Variants in PHF12 observed in about 807,000 individuals in gnomAD.
PHF12 encodes the protein PHD finger protein 12, also known as PHD factor 1.
A neutral mutation model predicts 99.8 loss-of-function variants in PHF12; 6 were observed. The observed-to-expected ratio is 0.06, with a 90% CI of 0.03 to 0.12. The LOEUF (loss-of-function observed/expected upper bound fraction) is 0.12. Ranked by LOEUF, PHF12 falls within the 10% of genes least tolerant of loss-of-function variation. PHF12 has a pLI of 1.00. For missense variants in PHF12, 954 were observed against 1,300.1 expected, an observed-to-expected ratio of 0.73 and a Z score of 4.09; for synonymous variants, 480 against 514.9, an observed-to-expected ratio of 0.93 and a Z score of 0.92.
Position 28,951,178 on chromosome 17 carries a change from C to A in PHF12, c.-218G>T, listed in dbSNP as rs2040805092. The A allele has an allele frequency of 1.4e-6, 2 of 1,416,402 alleles. No homozygotes were observed. The highest frequency in any genetic ancestry group is 3.0e-5 in the South Asian group (2 of 66,270). 87.7% of individuals were successfully genotyped at this position (1,416,402 alleles called of 1,614,324 possible). ...CGCGAGGGGGGAGCGGCCCCTCAGT[C>A]CCGGCCCGGCTGCTGGCTGCACAGT... On this transcript the variant is annotated 5_prime_UTR_variant, in exon 1 of 15. Transcript: ENST00000332830.
At chr17:28,915,052 T>G (rs185654321) in intron 7 of PHF12, among the ~76,000 whole-genome samples, 17 of 152,350 alleles carry the variant, frequency 1.1e-4, no homozygotes, top group African/African-American at 3.1e-4. Flanking sequence ...GAAGCATGTC[T>G]AAGGTGCTAT....
At chr17:28,912,088 A>G (rs2039970817) in intron 9 of PHF12, 1 of 1,022,706 alleles carries the variant, frequency 9.8e-7, no homozygotes, top group Non-Finnish European at 1.2e-6. Flanking sequence ...ATCTGACAAT[A>G]CTGAGGCCAT....
Position 28,949,848 on chromosome 17 carries a change from C to T in PHF12, c.248+217G>A, listed in dbSNP as rs2040778420. 5.4e-6 allele frequency: 3 copies of T among 560,280 alleles called. No individual in the cohort carries two copies. In the East Asian group the frequency reaches 9.3e-5, roughly 17 times the overall value. 34.7% of individuals were successfully genotyped at this position (560,280 alleles called of 1,614,324 possible). On this transcript the variant is annotated intron_variant, in intron 2 of 14. Transcript: ENST00000332830. The surrounding 1 kb of genome is among the most constrained non-coding windows in gnomAD (Gnocchi z 4.6). ...ATGGGGTTCTCTTCACTCGTCCCAA[C>T]CCCCACCTCGGGGTCCGGACCCACC...
At position 28,926,905 on chromosome 17, in the gene PHF12, C is replaced by T. The variant is rs746990617; in HGVS notation, c.321+86G>A. The T allele has an allele frequency of 3.7e-6, 6 of 1,604,528 alleles. No homozygotes were observed. The South Asian group carries it at 4.4e-5, about 12-fold the overall frequency. ...GAGACAAGAAGAAGGGACAAGAATG[C>T]CTTCAGGGCTAGGCCGTCTTAGCTC... On this transcript the variant is annotated intron_variant, in intron 3 of 14. Transcript: ENST00000332830.
Position 28,905,865 on chromosome 17 carries a change from G to A in PHF12, c.*318C>T, listed in dbSNP as rs2039863055. The A allele has an allele frequency of 3.9e-6, 1 of 258,938 alleles. No homozygotes were observed. Among genetic ancestry groups the A allele is most frequent in the Non-Finnish European group, 7.2e-6 (1 of 138,188 alleles). 16.0% of individuals were successfully genotyped at this position (258,938 alleles called of 1,614,324 possible). On this transcript the variant is annotated 3_prime_UTR_variant, in exon 15 of 15. Coordinates refer to ENST00000332830, the MANE Select transcript of PHF12 (RefSeq NM_001033561.2). ...GCGAGGGGGAGGGAGCAGGAGGTGG[G>A]TGGGGAAGGGTTTTGTGTTGGAGGA...
intron 2 of PHF12, among the ~76,000 whole-genome samples, chr17:28,940,803 T>C (rs1230098615): frequency 6.6e-6 from 1 of 152,240 alleles, no homozygotes; most frequent in Non-Finnish European, 1.5e-5. Flanking sequence ...AAATCTGCAA[T>C]ACCAAAGTGG....
chr17:28,917,650 G>A (rs1567955215), intron 6 of PHF12, among the ~76,000 whole-genome samples: 1 of 152,182 alleles, frequency 6.6e-6, no homozygotes, highest in East Asian at 1.9e-4. Context: ...CAGTCCAGTG[G>A]AAGAGAGCCA....
At chr17:28,912,124 G>C (rs1481420994) in intron 9 of PHF12, 1 of 1,086,344 alleles carries the variant, frequency 9.2e-7, no homozygotes, top group African/African-American at 1.7e-5. Context: ...GCTGATCATA[G>C]TAATTCCAGA....
chr17:28,937,456 T>C (rs2040530538), intron 2 of PHF12, among the ~76,000 whole-genome samples: 1 of 152,216 alleles, frequency 6.6e-6, no homozygotes, highest in African/African-American at 2.4e-5. Flanking sequence ...GGGTTTCTCA[T>C]GCAAAGCCTC....
Position 28,949,907 on chromosome 17 carries a change from C to G in PHF12, c.248+158G>C. 7.4e-6 allele frequency: 6 copies of G among 813,312 alleles called. No homozygotes were observed. The highest frequency in any genetic ancestry group is 1.1e-5 in the Non-Finnish European group (6 of 532,914). The allele number at this position is 813,312 out of a possible 1,614,324, so 50.4% of individuals were successfully genotyped here. ...TCCCCGCTAAACTGCCAGAACCCGGCGGACACCTGGGGGCGGGGAGGTGCT... is the reference window on the plus strand; with the variant it reads ...TCCCCGCTAAACTGCCAGAACCCGGGGGACACCTGGGGGCGGGGAGGTGCT... On this transcript the variant is annotated intron_variant, in intron 2 of 14. Transcript: ENST00000332830. The surrounding 1 kb of genome is among the most constrained non-coding windows in gnomAD (Gnocchi z 4.6).
At chr17:28,912,309 C>A in intron 9 of PHF12, 173 bp downstream of exon 9, 1 of 1,390,346 alleles carries the variant, frequency 7.2e-7, no homozygotes, top group Non-Finnish European at 9.3e-7. Context: ...CATTTATAAA[C>A]GGGACAAGTT....
In PHF12 at chr17:28,949,872, C is replaced by T. The variant is rs2040778783; in HGVS notation, c.248+193G>A. 2 of 626,166 alleles carry T rather than the reference C, an allele frequency of 3.2e-6. No homozygotes were observed. The highest frequency in any genetic ancestry group is 2.9e-5 in the East Asian group (1 of 34,076). The allele number at this position is 626,166 out of a possible 1,614,324, so 38.8% of individuals were successfully genotyped here. Reference sequence around the variant, plus strand: ...ACCCCCACCTCGGGGTCCGGACCCACCGCTGCTCCTCCCCGCTAAACTGCC... The same window carrying T: ...ACCCCCACCTCGGGGTCCGGACCCATCGCTGCTCCTCCCCGCTAAACTGCC... On this transcript the variant is annotated intron_variant, in intron 2 of 14. Coordinates refer to ENST00000332830, the MANE Select transcript of PHF12 (RefSeq NM_001033561.2). The surrounding 1 kb of genome is among the most constrained non-coding windows in gnomAD (Gnocchi z 4.6).
intron 4 of PHF12, among the ~76,000 whole-genome samples, 178 bp from the exon 5 acceptor site, chr17:28,921,986 G>GA (rs1250868451): frequency 1.3e-5 from 2 of 150,490 alleles, no homozygotes; most frequent in South Asian, 2.1e-4. Flanking sequence ...GATTAGGGAG[G>GA]AAAAAAAAAG....
intron 2 of PHF12, among the ~76,000 whole-genome samples, chr17:28,947,585 A>AAAAC (rs768129076): frequency 6.6e-6 from 1 of 152,162 alleles, no homozygotes; most frequent in East Asian, 1.9e-4. Context: ...GTCTCAGAAA[A>AAAAC]AAACAAACAA....
At chr17:28,910,782 C>T (rs2039945797) in intron 10 of PHF12, 1 of 381,152 alleles carries the variant, frequency 2.6e-6, no homozygotes, top group East Asian at 5.7e-5. Context: ...GATGAGGTCC[C>T]TCCTTTGGGA....
intron 11 of PHF12, chr17:28,909,891 G>A (rs1598116431): frequency 1.5e-5 from 9 of 602,040 alleles, no homozygotes; most frequent in Non-Finnish European, 2.1e-5. Context: ...GCACTCAGTC[G>A]GGAAGCCCTT....
At chr17:28,937,117 T>A (rs749550878) in intron 2 of PHF12, among the ~76,000 whole-genome samples, 25 of 152,170 alleles carry the variant, frequency 1.6e-4, no homozygotes, top group Non-Finnish European at 2.8e-4. Context: ...TGGTGCTGGG[T>A]AAAGTTTAAT....
Position 28,951,018 on chromosome 17 carries a change from GGGGGAGGTGA to G in PHF12, c.-68_-59del, listed in dbSNP as rs2040801597. 1.2e-6 allele frequency: 2 copies of G among 1,610,090 alleles called. No individual in the cohort carries two copies. The highest frequency in any genetic ancestry group is 1.1e-5 in the South Asian group (1 of 90,684). ...CCGGCCCCCCCAACCCCGGGGGGAG[GGGGGAGGTGA>G]GGGGAGGGGGCGCTCCTGACCCCGG... On this transcript the variant is annotated 5_prime_UTR_variant, in exon 1 of 15. Transcript: ENST00000332830.
At position 28,950,343 on chromosome 17, in the gene PHF12, C is replaced by G. The variant is rs752475842; in HGVS notation, c.67-97G>C. On this transcript the variant is annotated intron_variant, in intron 1 of 14. Transcript: ENST00000332830. The surrounding 1 kb of genome is among the most constrained non-coding windows in gnomAD (Gnocchi z 5.7). ...TTTCTCCGTCACCCACCCCTCTCCC[C>G]CCTTTTGTCCTTCTTCCTCCCATCC... The G allele has an allele frequency of 4.7e-5, 62 of 1,318,480 alleles. No homozygotes were observed. The highest frequency in any genetic ancestry group is 1.5e-4 in the Admixed American group (6 of 41,336). The allele number at this position is 1,318,480 out of a possible 1,614,324, so 81.7% of individuals were successfully genotyped here.
Sources: gnomAD v4.1 joint callset for allele counts (sites outside exome capture counted in the v4.1 genomes callset) on GRCh38, gnomAD v4.1.1 for gene constraint, Gnocchi (gnomAD v3.1) non-coding constraint, MANE v1.5 for transcripts, NCBI Gene and HGNC (gene_info 2026-07-23, HGNC 2026-07-21) for gene names.